The following ARPP21 variants were observed in gnomAD, a reference collection of about 807,000 sequenced individuals.
ARPP21 encodes cAMP-regulated phosphoprotein 21.
A neutral mutation model predicts 113.2 loss-of-function variants in ARPP21; 69 were observed. The ratio of observed to expected loss-of-function variants is 0.61; its 90% CI spans 0.50 to 0.74. The LOEUF (loss-of-function observed/expected upper bound fraction) is 0.74. Ranked by LOEUF, ARPP21 falls within the 30% of genes least tolerant of loss-of-function variation. ARPP21 has a pLI of 0.00. For synonymous variants in ARPP21, 368 were observed against 375.5 expected (o/e 0.98, Z 0.23); for missense variants, 1,070 against 1,037.4 (o/e 1.03, Z -0.43).
chr3:35,679,606 C>A (rs938937063), intron 1 of ARPP21, 181 bp from the exon 2 acceptor site: 2 of 151,758 alleles, frequency 1.3e-5, no homozygotes, highest in African/African-American at 4.8e-5. Flanking sequence ...ACTTGAACAG[C>A]CGGCTGTAGC....
At chr3:35,737,700 A>G (rs1464801334) in intron 16 of ARPP21, among the ~76,000 whole-genome samples, 1 of 152,058 alleles carries the variant, frequency 6.6e-6, no homozygotes, top group African/African-American at 2.4e-5. Flanking sequence ...TTCCTCCCCC[A>G]TTCCCGTCAC....
At chr3:35,778,123 CG>C (rs1559935439) in intron 19 of ARPP21, among the ~76,000 whole-genome samples, 1 of 152,126 alleles carries the variant, frequency 6.6e-6, no homozygotes, top group African/African-American at 2.4e-5. Flanking sequence ...CCACTAAAAG[CG>C]TTGTTCATCT....
At chr3:35,780,879 G>A (rs949267250) in intron 19 of ARPP21, among the ~76,000 whole-genome samples, 5 of 152,034 alleles carry the variant, frequency 3.3e-5, no homozygotes, top group Admixed American at 2.6e-4. Flanking sequence ...GGGGAAGCAG[G>A]CAATCAGAGA....
intron 1 of ARPP21, chr3:35,640,890 A>AAT (rs1256810901): frequency 6.6e-6 from 1 of 152,190 alleles, no homozygotes; most frequent in African/African-American, 2.4e-5. Context: ...CTCAGGTTGT[A>AAT]GATATGGTGG....
chr3:35,667,970 A>G (rs1390348654), intron 1 of ARPP21, among the ~76,000 whole-genome samples: 1 of 121,818 alleles, frequency 8.2e-6, no homozygotes, highest in African/African-American at 3.1e-5. Flanking sequence ...GAAGAAGAAG[A>G]AGAAGAAGAA....
At chr3:35,708,145 T>C (rs958116192) in intron 10 of ARPP21, among the ~76,000 whole-genome samples, 1 of 152,182 alleles carries the variant, frequency 6.6e-6, no homozygotes, top group Non-Finnish European at 1.5e-5. Context: ...TCCTGTTGAC[T>C]ATGAAACATG....
intron 5 of ARPP21, chr3:35,685,872 GA>G: frequency 1.4e-6 from 1 of 693,880 alleles, no homozygotes; most frequent in Non-Finnish European, 1.8e-6. Context: ...AAAAATAACA[GA>G]TTGTTTTTTA....
chr3:35,693,522 GT>G (rs2082887186), intron 9 of ARPP21, among the ~76,000 whole-genome samples: 1 of 151,640 alleles, frequency 6.6e-6, no homozygotes, highest in South Asian at 2.1e-4. Context: ...ACAAATCACA[GT>G]TTTCAGAACC....
At chr3:35,716,967 G>T (rs1297214288) in intron 12 of ARPP21, among the ~76,000 whole-genome samples, 1 of 151,908 alleles carries the variant, frequency 6.6e-6, no homozygotes, top group African/African-American at 2.4e-5. Flanking sequence ...AAAATATGAA[G>T]AATAGTTTTA....
intron 14 of ARPP21, among the ~76,000 whole-genome samples, chr3:35,723,378 C>T (rs2093279479): frequency 6.6e-6 from 1 of 152,148 alleles, no homozygotes; most frequent in African/African-American, 2.4e-5. Flanking sequence ...ACAGTCACTA[C>T]ATAATACACA....
At chr3:35,695,031 CT>C (rs2083435654) in intron 9 of ARPP21, among the ~76,000 whole-genome samples, 2 of 150,438 alleles carry the variant, frequency 1.3e-5, no homozygotes, top group Non-Finnish European at 3.0e-5. Context: ...CCATTTCACT[CT>C]TTTTTTCTAA....
At chr3:35,655,198 TAACAGAA>T (rs1575470309) in intron 1 of ARPP21, among the ~76,000 whole-genome samples, 1 of 152,112 alleles carries the variant, frequency 6.6e-6, no homozygotes, top group East Asian at 1.9e-4. Flanking sequence ...TCTGCAGAGA[TAACAGAA>T]AATAAATGTG....
intron 13 of ARPP21, 142 bp from the exon 14 acceptor site, chr3:35,721,463 A>G (rs1224769157): frequency 1.6e-6 from 1 of 612,760 alleles, no homozygotes; most frequent in Non-Finnish European, 3.0e-6. Context: ...TAACACTGGG[A>G]GGCAACTGGT....
At chr3:35,745,180 T>G (rs933269083) in intron 19 of ARPP21, among the ~76,000 whole-genome samples, 1 of 152,186 alleles carries the variant, frequency 6.6e-6, no homozygotes, top group African/African-American at 2.4e-5. Flanking sequence ...CACTAAAGGG[T>G]TTCAAATAAC....
At chr3:35,761,856 A>T (rs2095790544) in intron 19 of ARPP21, among the ~76,000 whole-genome samples, 1 of 152,036 alleles carries the variant, frequency 6.6e-6, no homozygotes, top group South Asian at 2.1e-4. Flanking sequence ...CCAGGCAGTT[A>T]TTTATTCATT....
chr3:35,767,413 GT>G (rs1307592222), intron 19 of ARPP21, among the ~76,000 whole-genome samples: 1 of 152,050 alleles, frequency 6.6e-6, no homozygotes, highest in African/African-American at 2.4e-5. Context: ...ACAATAAAGT[GT>G]GCTCTTTTTT....
At chr3:35,651,125 TGTA>T (rs1239717073) in intron 1 of ARPP21, among the ~76,000 whole-genome samples, 2 of 152,128 alleles carry the variant, frequency 1.3e-5, no homozygotes, top group Non-Finnish European at 2.9e-5. Flanking sequence ...TAAATGGTTC[TGTA>T]GGAAAACCAC....
intron 15 of ARPP21, among the ~76,000 whole-genome samples, chr3:35,735,635 C>G (rs1473730762): frequency 6.6e-6 from 1 of 152,230 alleles, no homozygotes; most frequent in Non-Finnish European, 1.5e-5. Flanking sequence ...CCTCCACCAT[C>G]TCCCTTATGC....
At chr3:35,675,201 C>CTTTTTTTTTTTTTTTTTTTTTTTTTTGAG (rs1559570072) in intron 1 of ARPP21, among the ~76,000 whole-genome samples, 1 of 151,422 alleles carries the variant, frequency 6.6e-6, no homozygotes, top group African/African-American at 2.4e-5. Context: ...CACCACCTTT[C>CTTTTTTTTTTTTTTTTTTTTTTTTTTGAG]ATGTGGGTAA....
Sources: allele counts gnomAD v4.1 joint callset (sites outside exome capture counted in the v4.1 genomes callset), GRCh38; gene constraint gnomAD v4.1.1; transcripts MANE v1.5; gene names NCBI Gene and HGNC (gene_info 2026-07-23, HGNC 2026-07-21).